SERAC1: variants seen among roughly 807,000 people sequenced by gnomAD.
SERAC1 encodes serine active site containing 1.
SERAC1 carries 36 observed loss-of-function variants against 85.7 expected under a neutral mutation model. That is an observed-to-expected ratio of 0.42 (90% CI 0.32 to 0.55). The LOEUF (loss-of-function observed/expected upper bound fraction) is 0.55, where lower values mean the gene tolerates loss of function less well. Ranked by LOEUF, SERAC1 falls within the 20% of genes least tolerant of loss-of-function variation. SERAC1 has a pLI of 0.11. For synonymous variants in SERAC1, 242 were observed against 265.3 expected, an observed-to-expected ratio of 0.91 and a Z score of 0.85; for missense variants, 629 against 796.2, an observed-to-expected ratio of 0.79 and a Z score of 2.53.
At chr6:158,135,476 T>A (rs1784770354) in intron 8 of SERAC1, among the ~76,000 whole-genome samples, 1 of 151,958 alleles carries the variant, frequency 6.6e-6, no homozygotes, top group Non-Finnish European at 1.5e-5. Flanking sequence ...GAGGTTGCAA[T>A]GAGCCGAGAT....
chr6:158,166,861 C>T (rs934608828), intron 1 of SERAC1, among the ~76,000 whole-genome samples: 1 of 152,010 alleles, frequency 6.6e-6, no homozygotes, highest in Non-Finnish European at 1.5e-5. Context: ...CAAAATAACC[C>T]CTCTAGTCAC....
chr6:158,150,365 T>A, intron 4 of SERAC1, 88 bp downstream of exon 4: 1 of 1,048,046 alleles, frequency 9.5e-7, no homozygotes, highest in East Asian at 2.4e-5. Flanking sequence ...CAATCTGTAT[T>A]ACTAATACTG....
Position 158,114,873 on chromosome 6 carries a change from G to A in SERAC1, c.1600C>T (p.His534Tyr), listed in dbSNP as rs925991264. ...TATTCAGCCAAACGTGATCCATGAT[G>A]AGGGACACTATAAAAAATTATTCCT... ...TRGIIFYSVP[H>Y]HGSRLAEYSV... The change falls in exon 15 of 17, where the codon CAT becomes TAT. Residue 534 changes from histidine (H) to tyrosine (Y), a missense_variant. Coordinates refer to ENST00000647468, the MANE Select transcript of SERAC1 (RefSeq NM_032861.4). The A allele has an allele frequency of 6.2e-7, 1 of 1,614,018 alleles. No homozygotes were observed. The highest frequency in any genetic ancestry group is 8.5e-7 in the Non-Finnish European group (1 of 1,179,956).
At chr6:158,158,618 T>C (rs1785414288) in intron 1 of SERAC1, 1 of 319,606 alleles carries the variant, frequency 3.1e-6, no homozygotes, top group Non-Finnish European at 5.8e-6. Context: ...TTTTCACAAT[T>C]GGAAAGATGA....
intron 9 of SERAC1, among the ~76,000 whole-genome samples, chr6:158,128,743 A>G (rs2128415295): frequency 6.6e-6 from 1 of 152,314 alleles, no homozygotes; most frequent in African/African-American, 2.4e-5. Context: ...CCCACACCCT[A>G]TCCCACACAA....
At position 158,116,467 on chromosome 6, in the gene SERAC1, G is replaced by A. The variant is rs1341942776; in HGVS notation, c.1404-185C>T. ...CCTATTCTCTCTTATTGAACTCCTGGCCCCAAGGAATCCTCCCACCTCGGC... is the reference window on the plus strand; with the variant it reads ...CCTATTCTCTCTTATTGAACTCCTGACCCCAAGGAATCCTCCCACCTCGGC... On this transcript the variant is annotated intron_variant, in intron 13 of 16. Transcript: ENST00000647468. The A allele has an allele frequency of 2.2e-5, 12 of 542,522 alleles. No individual in the cohort carries two copies. In the South Asian group the frequency reaches 2.7e-4, roughly 12 times the overall value. 33.6% of individuals were successfully genotyped at this position (542,522 alleles called of 1,614,324 possible). A position where few individuals can be genotyped will look rare whatever the true frequency, so the allele number is the denominator to read the frequency against.
intron 1 of SERAC1, among the ~76,000 whole-genome samples, chr6:158,165,196 C>T (rs146873557): frequency 2.7e-3 from 409 of 152,052 alleles, no homozygotes; most frequent in African/African-American, 9.3e-3. Flanking sequence ...CACTCTGTCA[C>T]CCAGGCTGGA....
In SERAC1 at chr6:158,126,788, G is replaced by A. The variant is rs114750842; in HGVS notation, c.1015+1320C>T. Among the ~76,000 whole-genome samples, 590 of 152,146 alleles carry A rather than the reference G, an allele frequency of 3.9e-3. 6 individuals are homozygous for A. Among genetic ancestry groups the A allele is most frequent in the African/African-American group, 0.014 (565 of 41,516 alleles). Reference sequence around the variant, plus strand: ...AATCACATCAAAAATTACAGGCCAGGCATGGTAATCTCAACACTATGGGAG... The same window carrying A: ...AATCACATCAAAAATTACAGGCCAGACATGGTAATCTCAACACTATGGGAG... On this transcript the variant is annotated intron_variant, in intron 10 of 16. Transcript: ENST00000647468.
intron 10 of SERAC1, among the ~76,000 whole-genome samples, chr6:158,121,764 TGTTATTG>T (rs1458617401): frequency 2.6e-5 from 4 of 152,192 alleles, no homozygotes; most frequent in African/African-American, 9.6e-5. Flanking sequence ...TAGACAAGTA[TGTTATTG>T]GTATATATGA....
At position 158,155,734 on chromosome 6, in the gene SERAC1, A is replaced by G. The variant is rs181819349; in HGVS notation, c.92-383T>C. 7.6e-3 allele frequency among the ~76,000 whole-genome samples: 1,163 copies of G among 152,336 alleles called. 6 individuals carry two copies. The highest frequency in any genetic ancestry group is 0.013 in the Non-Finnish European group (886 of 68,022). On this transcript the variant is annotated intron_variant, in intron 2 of 16. Coordinates refer to ENST00000647468, the MANE Select transcript of SERAC1 (RefSeq NM_032861.4). Reference sequence around the variant, plus strand: ...GAAAGAAATGGGAAGCATTGTCCCTATCACTACTAGGACTATACTGAAGGA... The same window carrying G: ...GAAAGAAATGGGAAGCATTGTCCCTGTCACTACTAGGACTATACTGAAGGA...
intron 12 of SERAC1, 106 bp downstream of exon 12, chr6:158,118,923 G>T: frequency 7.4e-7 from 1 of 1,359,092 alleles, no homozygotes; most frequent in Non-Finnish European, 1.0e-6. Context: ...AAGAAGAACT[G>T]CATGGGAAAA....
intron 15 of SERAC1, 95 bp downstream of exon 15, chr6:158,114,694 A>AATGAGATAATACATTCAAGGAATATAAG: frequency 6.3e-7 from 1 of 1,580,294 alleles, no homozygotes; most frequent in Non-Finnish European, 8.6e-7. Context: ...CAAATTATAA[A>AATGAGATAATACATTCAAGGAATATAAG]ATGAGATAAT....
chr6:158,135,968 C>T (rs540652300), intron 8 of SERAC1, among the ~76,000 whole-genome samples: 1 of 152,084 alleles, frequency 6.6e-6, no homozygotes, highest in Non-Finnish European at 1.5e-5. Context: ...TGCCACCACG[C>T]CTGGCTAATT....
chr6:158,165,011 T>C (rs889845723), intron 1 of SERAC1, among the ~76,000 whole-genome samples: 1 of 152,182 alleles, frequency 6.6e-6, no homozygotes, highest in Admixed American at 6.5e-5. Flanking sequence ...AGCAGCCAGA[T>C]AGAAGAATCC....
chr6:158,110,663 A>G lies in SERAC1; in HGVS notation c.*703T>C, dbSNP rs934170170. Reference sequence around the variant, plus strand: ...ATAGTTTTACTTCATACTGTGATCAATAATGGATTAGCTACTTTATCCTTA... The same window carrying G: ...ATAGTTTTACTTCATACTGTGATCAGTAATGGATTAGCTACTTTATCCTTA... On this transcript the variant is annotated 3_prime_UTR_variant, in exon 17 of 17. Coordinates refer to ENST00000647468, the MANE Select transcript of SERAC1 (RefSeq NM_032861.4). The G allele has an allele frequency of 6.6e-6, 1 of 152,226 alleles. No individual in the cohort carries two copies. The highest frequency in any genetic ancestry group is 1.5e-5 in the Non-Finnish European group (1 of 68,046). 9.4% of individuals were successfully genotyped at this position (152,226 alleles called of 1,614,324 possible).
Position 158,113,606 on chromosome 6 carries a change from C to A in SERAC1, c.1685-14G>T. On this transcript the variant is annotated splice_polypyrimidine_tract_variant and intron_variant, in intron 15 of 16. Transcript: ENST00000647468. ...GTGCAGGAGAATCTGTAAAATTATA[C>A]AGAACAAGACTGTGACAAGTTGTTT... 6.3e-7 allele frequency: 1 copy of A among 1,595,084 alleles called. No individual in the cohort carries two copies. The highest frequency in any genetic ancestry group is 1.1e-5 in the South Asian group (1 of 88,690).
Position 158,117,310 on chromosome 6 carries a change from C to A in SERAC1, c.1403+417G>T. On this transcript the variant is annotated intron_variant, in intron 13 of 16. Transcript: ENST00000647468. The surrounding 1 kb of genome is among the most constrained non-coding windows in gnomAD (Gnocchi z 4.3). ...AACTCTGAAATCCAGCACTCCTTCC[C>A]ATGTATACAACTGGCACAGATGACA... 1 of 579,040 alleles carries A rather than the reference C, an allele frequency of 1.7e-6. No homozygotes were observed. Among genetic ancestry groups the A allele is most frequent in the Admixed American group, 3.1e-5 (1 of 32,058 alleles). The allele number at this position is 579,040 out of a possible 1,614,324, so 35.9% of individuals were successfully genotyped here.
At chr6:158,112,750 A>G (rs1056161742) in intron 16 of SERAC1, 2 of 149,544 alleles carry the variant, frequency 1.3e-5, no homozygotes, top group Non-Finnish European at 3.0e-5. Context: ...CCAGCCTCAG[A>G]GGCAGTAAGA....
At chr6:158,113,681 T>C in intron 15 of SERAC1, 89 bp from the exon 16 acceptor site, 8 of 1,198,352 alleles carry the variant, frequency 6.7e-6, no homozygotes, top group Middle Eastern at 5.5e-4. Context: ...GAGAGGAAAT[T>C]AGAATTCTGA....
Sources: gnomAD v4.1 joint callset for allele counts (sites outside exome capture counted in the v4.1 genomes callset) on GRCh38, gnomAD v4.1.1 for gene constraint, Gnocchi (gnomAD v3.1) non-coding constraint, MANE v1.5 for transcripts, NCBI Gene and HGNC (gene_info 2026-07-23, HGNC 2026-07-21) for gene names.